The following PRKDC variants were observed in gnomAD, a reference collection of about 807,000 sequenced individuals.
The protein encoded by PRKDC is DNA-dependent protein kinase catalytic subunit.
Under a neutral mutation model 486.9 loss-of-function variants are expected in PRKDC, and 82 were observed. That is an observed-to-expected ratio of 0.17 (90% CI 0.14 to 0.20). The LOEUF (loss-of-function observed/expected upper bound fraction) is 0.20. Among genes scored for constraint, PRKDC ranks in the 10% least tolerant of loss-of-function variants. PRKDC has a pLI of 1.00. For synonymous variants in PRKDC, 1,895 were observed against 1,837.0 expected, an observed-to-expected ratio of 1.03 and a Z score of -0.81; for missense variants, 4,504 against 5,038.2, an observed-to-expected ratio of 0.89 and a Z score of 3.21.
chr8:47,788,809 GATTACATTTAATACAAATATT>G, intron 76 of PRKDC, 76 bp downstream of exon 76: 1 of 1,164,808 alleles, frequency 8.6e-7, no homozygotes, highest in Non-Finnish European at 1.1e-6. Flanking sequence ...TTAAATTAAT[GATTACATTTAATACAAATATT>G]ATTACATTTA....
chr8:47,878,960 G>A (rs2089147999), intron 39 of PRKDC, among the ~76,000 whole-genome samples: 1 of 152,154 alleles, frequency 6.6e-6, no homozygotes, highest in Non-Finnish European at 1.5e-5. Context: ...AAACACTTCT[G>A]GTTCCAAGCA....
intron 21 of PRKDC, among the ~76,000 whole-genome samples, chr8:47,922,297 TA>T (rs1235612387): frequency 6.6e-6 from 1 of 152,082 alleles, no homozygotes; most frequent in African/African-American, 2.4e-5. Context: ...CACATCCAGC[TA>T]ATTTTTAAAA....
chr8:47,888,547 C>A lies in PRKDC; in HGVS notation c.4384G>T (p.Gly1462Trp). ...VSACKQLHRAGLLHNILPSQS... is the reference protein window; with the variant it reads ...VSACKQLHRAWLLHNILPSQS... ...GACGGTAATATATTATGCAGAAGCC[C>A]AGCTCTGTGAAGCTGTTTACAGGCA... The change falls in exon 34 of 86, where the codon GGG becomes TGG. Residue 1462 changes from glycine (G) to tryptophan (W), a missense_variant. Physicochemically the swap from Gly to Trp is radical, Grantham distance 184. Around this residue, in one of 6 missense-constraint regions of PRKDC, gnomAD observed 1,969 missense variants for 2,068.9 expected, o/e 0.95. Transcript: ENST00000314191. The A allele has an allele frequency of 6.3e-7, 1 of 1,576,760 alleles. No individual in the cohort carries two copies. The highest frequency in any genetic ancestry group is 8.6e-7 in the Non-Finnish European group (1 of 1,160,494).
intron 85 of PRKDC, among the ~76,000 whole-genome samples, chr8:47,775,726 G>A (rs1271763700): frequency 6.6e-6 from 1 of 151,588 alleles, no homozygotes; most frequent in Admixed American, 6.6e-5. Flanking sequence ...GAAGTCCAAT[G>A]TATATATTTG....
chr8:47,803,240 G>A (rs968007086), intron 70 of PRKDC, 66 bp downstream of exon 70: 73 of 1,447,736 alleles, frequency 5.0e-5, no homozygotes, highest in Non-Finnish European at 6.6e-5. Context: ...ACAAAGAAGA[G>A]GAAGATACAC....
chr8:47,927,891 C>A lies in PRKDC; in HGVS notation c.2140-1G>T. On this transcript the variant is annotated splice_acceptor_variant, in intron 19 of 85. Coordinates refer to ENST00000314191, the MANE Select transcript of PRKDC (RefSeq NM_006904.7). LOFTEE classifies it high-confidence loss of function. The stretch of plus-strand genomic sequence containing the variant: ...TGTACTGCTTCATTTTAACTGCCAC[C>A]TTAACAAGAAAGAAGACAGTAATGT... 2 of 1,556,882 alleles carry A rather than the reference C, an allele frequency of 1.3e-6. No homozygotes were observed. Among genetic ancestry groups the A allele is most frequent in the South Asian group, 1.3e-5 (1 of 79,700 alleles).
At chr8:47,914,935 G>A (rs1039874095) in intron 23 of PRKDC, among the ~76,000 whole-genome samples, 2 of 152,146 alleles carry the variant, frequency 1.3e-5, no homozygotes, top group East Asian at 1.9e-4. Flanking sequence ...AATTACAGGC[G>A]TGAGCCACCA....
intron 36 of PRKDC, among the ~76,000 whole-genome samples, chr8:47,884,849 C>T (rs933590286): frequency 3.3e-5 from 5 of 151,652 alleles, no homozygotes; most frequent in African/African-American, 1.2e-4. Flanking sequence ...ATATTAAATA[C>T]TGATCTCCAG....
chr8:47,827,118 TCACACACACACACACACACA>T (rs61385951), intron 62 of PRKDC, among the ~76,000 whole-genome samples: 3,073 of 128,232 alleles, frequency 0.024, 84 homozygotes, highest in East Asian at 0.091. Flanking sequence ...AATATGAAGA[TCACACACACACACACACACA>T]CACACACACA....
chr8:47,788,291 GAGA>G (rs1563734595), intron 76 of PRKDC, among the ~76,000 whole-genome samples: 1 of 152,250 alleles, frequency 6.6e-6, no homozygotes, highest in African/African-American at 2.4e-5. Flanking sequence ...GGAGGAGGGA[GAGA>G]AGGAGCCAAG....
rs532203160 is a variant in PRKDC at position 47,938,392 on chromosome 8, CA to C, written c.1113+1158del. Among the ~76,000 whole-genome samples, 426 of 116,032 alleles carry C rather than the reference CA, an allele frequency of 3.7e-3. 3 individuals carry two copies. Among genetic ancestry groups the C allele is most frequent in the African/African-American group, 0.014 (418 of 30,780 alleles). The allele number at this position is 116,032 out of a possible 152,430, so 76.1% of individuals were successfully genotyped here. On this transcript the variant is annotated intron_variant, in intron 11 of 85. Coordinates refer to ENST00000314191, the MANE Select transcript of PRKDC (RefSeq NM_006904.7). ...TGCCATCGCACTCCAGCCTGGGCAACAAAAGCGAAACTCCAACTCAAAAATT... is the reference window on the plus strand; with the variant it reads ...TGCCATCGCACTCCAGCCTGGGCAACAAAGCGAAACTCCAACTCAAAAATT...
chr8:47,859,618 C>A lies in PRKDC; in HGVS notation c.6200G>T (p.Arg2067Leu). Residue 2067 changes from arginine (R) to leucine (L), a missense_variant, in exon 46 of 86, where the codon CGG becomes CTG. Coordinates refer to ENST00000314191, the MANE Select transcript of PRKDC (RefSeq NM_006904.7). ...TATGTGAAATGTGATCACCCGTCTC[C>A]GAAAACGACCAGTGGCAGGTCTAGG... is the stretch of plus-strand genomic sequence containing the variant. ...QDPRPATGRF[R>L]RREQRDPTVH... 6.2e-7 allele frequency: 1 copy of A among 1,610,438 alleles called. No homozygotes were observed. The highest frequency in any genetic ancestry group is 8.5e-7 in the Non-Finnish European group (1 of 1,178,704).
chr8:47,796,256 A>C (rs1468014863), intron 73 of PRKDC, among the ~76,000 whole-genome samples: 1 of 152,026 alleles, frequency 6.6e-6, no homozygotes, highest in Non-Finnish European at 1.5e-5. Context: ...CCAACACTGC[A>C]CATAATCATC....
intron 14 of PRKDC, among the ~76,000 whole-genome samples, chr8:47,934,572 T>TA (rs1563811373): frequency 6.6e-6 from 1 of 151,948 alleles, no homozygotes; most frequent in Non-Finnish European, 1.5e-5. Flanking sequence ...AACGGAAAAA[T>TA]ATGTGATTCT....
intron 24 of PRKDC, 134 bp from the exon 25 acceptor site, chr8:47,912,696 AT>A (rs1483995040): frequency 1.5e-6 from 1 of 685,796 alleles, no homozygotes; most frequent in African/African-American, 1.8e-5. Flanking sequence ...CCAAATATAA[AT>A]TAACTGGAAT....
chr8:47,905,194 T>A (rs2089756170), intron 25 of PRKDC, among the ~76,000 whole-genome samples: 1 of 152,098 alleles, frequency 6.6e-6, no homozygotes, highest in Non-Finnish European at 1.5e-5. Flanking sequence ...CCCAGTTAAC[T>A]TAAAATTTTT....
In PRKDC at chr8:47,826,794, G is replaced by C. The variant is rs1440627101; in HGVS notation, c.8645C>G (p.Ala2882Gly). The C allele has an allele frequency of 6.2e-7, 1 of 1,609,132 alleles. No individual in the cohort carries two copies. Among genetic ancestry groups the C allele is most frequent in the African/African-American group, 1.3e-5 (1 of 74,864 alleles). ...DPAAVSAGCL[A>G]SLQQPVGIRL... ...GATGCCCACGGGCTGCTGTAGGCTG[G>C]CCAGGCAACCAGCGCTAACAGCCGC... Residue 2882 changes from alanine (A) to glycine (G), a missense_variant, in exon 63 of 86, where the codon GCC (alanine) becomes GGC (glycine). Around this residue, in one of 6 missense-constraint regions of PRKDC, gnomAD observed 1,592 missense variants for 1,724.6 expected, o/e 0.92. Transcript: ENST00000314191.
intron 63 of PRKDC, among the ~76,000 whole-genome samples, chr8:47,825,452 T>A (rs1285203713): frequency 8.0e-6 from 1 of 125,716 alleles, no homozygotes; most frequent in South Asian, 2.3e-4. Flanking sequence ...GAGGTTGCAG[T>A]GAGCCAAGAT....
In PRKDC at chr8:47,907,368, A is replaced by G. The variant is rs984490454; in HGVS notation, c.2935-2392T>C. 1.1e-4 allele frequency among the ~76,000 whole-genome samples: 16 copies of G among 147,244 alleles called. No individual in the cohort carries two copies. The South Asian group carries it at 1.3e-3, about 12-fold the overall frequency. On this transcript the variant is annotated intron_variant, in intron 25 of 85. Coordinates refer to ENST00000314191, the MANE Select transcript of PRKDC (RefSeq NM_006904.7). ...AATCATACTGTTTTATTCTTAGTAC[A>G]TAAGTTTTTTAATACATGTATACAT... is the stretch of plus-strand genomic sequence containing the variant.
Sources: allele counts gnomAD v4.1 joint callset (sites outside exome capture counted in the v4.1 genomes callset), GRCh38; gene constraint gnomAD v4.1.1; regional missense constraint gnomAD v4.1.1; transcripts MANE v1.5; gene names NCBI Gene and HGNC (gene_info 2026-07-23, HGNC 2026-07-21).